MAP7: variants seen among roughly 807,000 people sequenced by gnomAD.
The protein encoded by MAP7 is microtubule associated protein 7, also known as ensconsin.
A neutral mutation model predicts 94.8 loss-of-function variants in MAP7; 52 were observed. The observed-to-expected ratio is 0.55, with a 90% confidence interval of 0.44 to 0.69. The LOEUF (loss-of-function observed/expected upper bound fraction) is 0.69. Among genes scored for constraint, MAP7 ranks in the 30% least tolerant of loss-of-function variants. The pLI is 0.00. For missense variants in MAP7, 940 were observed against 964.6 expected, an observed-to-expected ratio of 0.97 and a Z score of 0.34; for synonymous variants, 350 against 357.0, an observed-to-expected ratio of 0.98 and a Z score of 0.22.
chr6:136,461,464 A>G lies in MAP7; in HGVS notation c.68-39665T>C, dbSNP rs556995461. Among the ~76,000 whole-genome samples the G allele has an allele frequency of 4.1e-4, 62 of 152,336 alleles. No individual in the cohort carries two copies. The South Asian group carries it at 0.012, about 29-fold the overall frequency. ...TTTATAACTGTTATGCTAAAGAGAA[A>G]CATGAAACCTTTGCATTGTTAATAT... On this transcript the variant is annotated intron_variant, in intron 1 of 17. Coordinates refer to ENST00000354570, the MANE Select transcript of MAP7 (RefSeq NM_003980.6).
At chr6:136,450,699 G>A (rs1800841226) in intron 1 of MAP7, among the ~76,000 whole-genome samples, 1 of 151,784 alleles carries the variant, frequency 6.6e-6, no homozygotes, top group African/African-American at 2.4e-5. Flanking sequence ...CGGGAGAACT[G>A]CCTGAACCCG....
At chr6:136,549,830 G>A (rs1829997569) in intron 1 of MAP7, among the ~76,000 whole-genome samples, 1 of 152,176 alleles carries the variant, frequency 6.6e-6, no homozygotes. Flanking sequence ...GGGGCGGGCC[G>A]CTCACCCCGC....
chr6:136,462,336 T>C (rs567224911), intron 1 of MAP7, among the ~76,000 whole-genome samples: 1 of 152,322 alleles, frequency 6.6e-6, no homozygotes, highest in East Asian at 1.9e-4. Flanking sequence ...ATCTCAGAAC[T>C]TGAGCATTTT....
rs770525505 is a variant in MAP7 at position 136,361,112 on chromosome 6, G to A, written c.1594C>T (p.Arg532Cys). The change falls in exon 12 of 18, where the codon CGC (arginine) becomes TGC (cysteine). Residue 532 changes from arginine (R) to cysteine (C), a missense_variant. By Grantham distance (180) the Arg-to-Cys change is radical. Coordinates refer to ENST00000354570, the MANE Select transcript of MAP7 (RefSeq NM_003980.6). ...ERTTRREEESRRLEAEQAREK... is the reference protein window; with the variant it reads ...ERTTRREEESCRLEAEQAREK... Reference sequence around the variant, plus strand: ...CGGGCCTGCTCGGCTTCCAGCCTGCGCGACTCCTCCTCACGGCGAGTCGTC... The same window carrying A: ...CGGGCCTGCTCGGCTTCCAGCCTGCACGACTCCTCCTCACGGCGAGTCGTC... 4.4e-6 allele frequency: 7 copies of A among 1,605,712 alleles called. No homozygotes were observed. Among genetic ancestry groups the A allele is most frequent in the Non-Finnish European group, 5.1e-6 (6 of 1,179,886 alleles).
chr6:136,492,581 A>T (rs1030735815), intron 1 of MAP7, among the ~76,000 whole-genome samples: 5 of 152,224 alleles, frequency 3.3e-5, no homozygotes, highest in Non-Finnish European at 5.9e-5. Flanking sequence ...TATCATTTGA[A>T]AATTGGAAGA....
chr6:136,416,085 A>T (rs1259892403), intron 2 of MAP7, among the ~76,000 whole-genome samples: 1 of 152,200 alleles, frequency 6.6e-6, no homozygotes, highest in East Asian at 1.9e-4. Context: ...ATGGCTGTGC[A>T]TGGGGCTGGG....
chr6:136,518,081 A>C (rs910088643), intron 1 of MAP7, among the ~76,000 whole-genome samples: 2 of 152,192 alleles, frequency 1.3e-5, no homozygotes. Context: ...AGGAGTATGG[A>C]GGTGGCTCGA....
At chr6:136,527,247 C>T (rs1180126256) in intron 1 of MAP7, among the ~76,000 whole-genome samples, 1 of 152,180 alleles carries the variant, frequency 6.6e-6, no homozygotes, top group African/African-American at 2.4e-5. Context: ...TTAAGACTCT[C>T]CACTTCTAGA....
intron 1 of MAP7, among the ~76,000 whole-genome samples, chr6:136,474,336 A>ACAGGGTCT (rs2128946010): frequency 6.6e-6 from 1 of 152,272 alleles, no homozygotes; most frequent in South Asian, 2.1e-4. Flanking sequence ...GTAGAGACTG[A>ACAGGGTCT]CTAGAAGTCA....
Position 136,360,156 on chromosome 6 carries a change from T to TA in MAP7, c.1804-126_1804-125insT, listed in dbSNP as rs967930924. On this transcript the variant is annotated intron_variant, in intron 13 of 17. Coordinates refer to ENST00000354570, the MANE Select transcript of MAP7 (RefSeq NM_003980.6). ...TTTTGGAAAAATACAATATGCACTT[T>TA]TTTTTTTTTTTTTGAGATGGAGTCT... 8.3e-6 allele frequency: 5 copies of TA among 601,864 alleles called. No homozygotes were observed. In the African/African-American group the frequency reaches 9.4e-5, roughly 11 times the overall value. 37.3% of individuals were successfully genotyped at this position (601,864 alleles called of 1,614,324 possible).
intron 1 of MAP7, among the ~76,000 whole-genome samples, chr6:136,448,257 A>C (rs1799950464): frequency 6.6e-6 from 1 of 152,194 alleles, no homozygotes; most frequent in Non-Finnish European, 1.5e-5. Flanking sequence ...TCTGGGAATT[A>C]GGCAACAATG....
Position 136,402,905 on chromosome 6 carries a change from CAAAAAAAAAAAAAAAAAAA to C in MAP7, c.244+8696_244+8714del, listed in dbSNP as rs57114676. On this transcript the variant is annotated intron_variant, in intron 3 of 17. Transcript: ENST00000354570. ...TGGGCGAAAGAGCAAGACTCTGTCTCAAAAAAAAAAAAAAAAAAAAAAAAAAAAAAAAAAAAGAAAGAAA... is the reference window on the plus strand; with the variant it reads ...TGGGCGAAAGAGCAAGACTCTGTCTCAAAAAAAAAAAAAAAAAGAAAGAAA... 8.3e-4 allele frequency among the ~76,000 whole-genome samples: 56 copies of C among 67,392 alleles called. No homozygotes were observed. The East Asian group carries it at 0.01, about 12-fold the overall frequency. The allele number at this position is 67,392 out of a possible 152,430, so 44.2% of individuals were successfully genotyped here. A position where few individuals can be genotyped will look rare whatever the true frequency, so the allele number is the denominator to read the frequency against.
chr6:136,380,946 C>T (rs1029109472), intron 6 of MAP7, among the ~76,000 whole-genome samples: 7 of 152,138 alleles, frequency 4.6e-5, no homozygotes, highest in African/African-American at 1.7e-4. Flanking sequence ...GAACATGAGC[C>T]CTGATGGTAT....
intron 1 of MAP7, among the ~76,000 whole-genome samples, chr6:136,433,648 A>G (rs1437044167): frequency 6.6e-6 from 1 of 152,246 alleles, no homozygotes; most frequent in Non-Finnish European, 1.5e-5. Context: ...CCATATGGAT[A>G]CATTTACCAT....
intron 1 of MAP7, among the ~76,000 whole-genome samples, chr6:136,438,571 C>G (rs933377911): frequency 2.0e-5 from 3 of 152,138 alleles, no homozygotes; most frequent in African/African-American, 7.2e-5. Flanking sequence ...CCATGATGAC[C>G]TGTCCTGACC....
rs372318231 is a variant in MAP7 at position 136,513,943 on chromosome 6, T to A, written c.67+36399A>T. 1.2e-4 allele frequency among the ~76,000 whole-genome samples: 18 copies of A among 152,302 alleles called. No homozygotes were observed. The South Asian group carries it at 1.9e-3, about 16-fold the overall frequency. On this transcript the variant is annotated intron_variant, in intron 1 of 17. Transcript: ENST00000354570. ...TTTGCCCAGTCTGCCACCACTGGAC[T>A]CTCTCACCTGTACGTAAGTCCCCAG...
At chr6:136,360,151 C>CA in intron 13 of MAP7, 120 bp from the exon 14 acceptor site, 4 of 775,724 alleles carry the variant, frequency 5.2e-6, no homozygotes, top group Non-Finnish European at 8.2e-6. Flanking sequence ...ATACAATATG[C>CA]ACTTTTTTTT....
chr6:136,413,971 C>A (rs1042853178), intron 2 of MAP7, among the ~76,000 whole-genome samples: 4 of 151,884 alleles, frequency 2.6e-5, no homozygotes, highest in Non-Finnish European at 4.4e-5. Flanking sequence ...TTAAATGGGC[C>A]GGGCGCGGTG....
chr6:136,473,644 G>A (rs1809839457), intron 1 of MAP7, among the ~76,000 whole-genome samples: 2 of 152,104 alleles, frequency 1.3e-5, no homozygotes, highest in African/African-American at 4.8e-5. Context: ...AAATTAGACT[G>A]TTTCCAATTT....
Sources: allele counts gnomAD v4.1 joint callset (sites outside exome capture counted in the v4.1 genomes callset), GRCh38; gene constraint gnomAD v4.1.1; transcripts MANE v1.5; gene names NCBI Gene and HGNC (gene_info 2026-07-23, HGNC 2026-07-21).